Variants in RAB3GAP2 observed in about 807,000 individuals in gnomAD.
RAB3GAP2 encodes rab3 GTPase-activating protein non-catalytic subunit.
In RAB3GAP2, 87 loss-of-function variants were observed where a neutral mutation model predicts 185.3. The ratio of observed to expected loss-of-function variants is 0.47; its 90% CI spans 0.39 to 0.56. The LOEUF (loss-of-function observed/expected upper bound fraction) is 0.56. Among genes scored for constraint, RAB3GAP2 ranks in the 20% least tolerant of loss-of-function variants. The pLI, the probability that RAB3GAP2 is intolerant of heterozygous loss-of-function variation, is 0.00. For missense variants in RAB3GAP2, 1,492 were observed against 1,638.2 expected (o/e 0.91, Z 1.54); for synonymous variants, 554 against 576.1 (o/e 0.96, Z 0.55).
chr1:220,229,141 T>C (rs1350127896), intron 2 of RAB3GAP2, among the ~76,000 whole-genome samples: 1 of 152,210 alleles, frequency 6.6e-6, no homozygotes, highest in Non-Finnish European at 1.5e-5. Flanking sequence ...GCTATCATTG[T>C]CCACGTCACT....
intron 1 of RAB3GAP2, chr1:220,254,151 T>C: frequency 1.2e-6 from 2 of 1,613,796 alleles, no homozygotes; most frequent in South Asian, 2.2e-5. Context: ...ATTCCATTCT[T>C]GAGGATTATG....
chr1:220,263,093 C>G (rs1342061457), intron 1 of RAB3GAP2, among the ~76,000 whole-genome samples: 2 of 151,354 alleles, frequency 1.3e-5, no homozygotes, highest in African/African-American at 4.8e-5. Context: ...ATCTGTATAT[C>G]ATCCTTGAAG....
chr1:220,214,946 TTATATA>T lies in RAB3GAP2; in HGVS notation c.181-973_181-968del, dbSNP rs10526805. ...CCTTTTTCTTACAAGAATAGTAGCA[TTATATA>T]TATATATATATATATATATATATAC... is the stretch of plus-strand genomic sequence containing the variant. On this transcript the variant is annotated intron_variant, in intron 2 of 34. Transcript: ENST00000358951. 7.8e-4 allele frequency among the ~76,000 whole-genome samples: 70 copies of T among 89,624 alleles called. 2 individuals are homozygous for T. Among genetic ancestry groups the T allele is most frequent in the South Asian group, 1.9e-3 (4 of 2,060 alleles). The allele number at this position is 89,624 out of a possible 152,430, so 58.8% of individuals were successfully genotyped here.
intron 12 of RAB3GAP2, among the ~76,000 whole-genome samples, chr1:220,194,779 T>C (rs979688436): frequency 6.6e-6 from 1 of 152,226 alleles, no homozygotes; most frequent in African/African-American, 2.4e-5. Context: ...TAAAAGAAAT[T>C]TAACAGCTAT....
At chr1:220,232,886 T>C (rs556212989) in intron 1 of RAB3GAP2, 23 bp from the exon 2 acceptor site, 2 of 1,603,086 alleles carry the variant, frequency 1.2e-6, no homozygotes, top group East Asian at 2.2e-5. Context: ...AGATGAACAA[T>C]GCTTGCATGA....
intron 7 of RAB3GAP2, 31 bp from the exon 8 acceptor site, chr1:220,206,037 GA>G: frequency 7.5e-7 from 1 of 1,339,960 alleles, no homozygotes; most frequent in Admixed American, 1.9e-5. Flanking sequence ...AAAAGTTCTT[GA>G]ATAGATAAAT....
chr1:220,194,752 C>T (rs1658691691), intron 12 of RAB3GAP2, among the ~76,000 whole-genome samples: 1 of 152,178 alleles, frequency 6.6e-6, no homozygotes, highest in Non-Finnish European at 1.5e-5. Context: ...AACTTAGTAA[C>T]AAACTATCTA....
chr1:220,204,217 G>T (rs1217222941), intron 8 of RAB3GAP2, among the ~76,000 whole-genome samples: 1 of 152,058 alleles, frequency 6.6e-6, no homozygotes, highest in Non-Finnish European at 1.5e-5. Flanking sequence ...AGGTTGGTAT[G>T]ATTGGCAAAA....
chr1:220,265,569 T>C (rs544958893), intron 1 of RAB3GAP2, among the ~76,000 whole-genome samples: 17 of 152,230 alleles, frequency 1.1e-4, no homozygotes, highest in African/African-American at 4.1e-4. Flanking sequence ...TTGGAAATTA[T>C]GTCACTATAG....
chr1:220,229,909 C>T (rs78265859), intron 2 of RAB3GAP2, among the ~76,000 whole-genome samples: 5,732 of 152,278 alleles, frequency 0.038, 379 homozygotes, highest in African/African-American at 0.13. Flanking sequence ...AACTTAGCTA[C>T]ATGATTTCAG....
At position 220,150,474 on chromosome 1, in the gene RAB3GAP2, A is replaced by G. The variant is rs1377423461; in HGVS notation, c.*777T>C. 5.7e-5 allele frequency: 8 copies of G among 141,494 alleles called. No homozygotes were observed. Among genetic ancestry groups the G allele is most frequent in the Non-Finnish European group, 1.1e-4 (7 of 65,592 alleles). The allele number at this position is 141,494 out of a possible 1,614,324, so 8.8% of individuals were successfully genotyped here. A position where few individuals can be genotyped will look rare whatever the true frequency, so the allele number is the denominator to read the frequency against. On this transcript the variant is annotated 3_prime_UTR_variant, in exon 35 of 35. Transcript: ENST00000358951. ...GCCTTTTTTTTTTTTTTTTTTTTAC[A>G]TAAGTTTTACAAGATAATACATTTT... is the stretch of plus-strand genomic sequence containing the variant.
intron 21 of RAB3GAP2, among the ~76,000 whole-genome samples, chr1:220,181,874 C>A (rs1658412839): frequency 6.6e-6 from 1 of 151,602 alleles, no homozygotes; most frequent in African/African-American, 2.4e-5. Context: ...CATAGCGAGA[C>A]CCCCATCTCC....
chr1:220,250,286 C>CT (rs1659908046), intron 1 of RAB3GAP2, among the ~76,000 whole-genome samples: 1 of 152,206 alleles, frequency 6.6e-6, no homozygotes, highest in African/African-American at 2.4e-5. Flanking sequence ...CATTTTGGAA[C>CT]TTTAAGGTTT....
chr1:220,200,425 T>C, intron 9 of RAB3GAP2: 3 of 366,300 alleles, frequency 8.2e-6, no homozygotes, highest in Non-Finnish European at 1.7e-5. Flanking sequence ...TTTATCAGGG[T>C]GGGGTCCTAT....
chr1:220,245,890 A>G (rs1357149349), intron 1 of RAB3GAP2, among the ~76,000 whole-genome samples: 4 of 152,150 alleles, frequency 2.6e-5, no homozygotes, highest in Non-Finnish European at 4.4e-5. Context: ...ACTGGGAGGC[A>G]CCCCCCAGCG....
rs988513386 is a variant in RAB3GAP2, at chr1:220,195,111, G to A, written c.1097C>T (p.Pro366Leu). The A allele has an allele frequency of 1.1e-5, 17 of 1,613,946 alleles. No homozygotes were observed. The highest frequency in any genetic ancestry group is 3.3e-5 in the South Asian group (3 of 91,078). ...TAATGGGGTAGCTGGCTCAACCTTC[G>A]GCTTTTGCTTTTGGACAGCTTCTTC... ...HEEEAVQKQK[P>L]KVEPATPLAV... Residue 366 changes from proline (P) to leucine (L), a missense_variant, in exon 12 of 35, where the codon CCG becomes CTG. Pro to Leu is a moderately conservative substitution (Grantham distance 98, BLOSUM62 -3). Transcript: ENST00000358951.
At chr1:220,256,497 C>T (rs992730172) in intron 1 of RAB3GAP2, among the ~76,000 whole-genome samples, 1 of 152,056 alleles carries the variant, frequency 6.6e-6, no homozygotes, top group South Asian at 2.1e-4. Flanking sequence ...CAAGGACCCA[C>T]CTCACATGCA....
At chr1:220,272,188 G>C (rs769289078) in intron 1 of RAB3GAP2, 35 bp downstream of exon 1, 3 of 1,539,632 alleles carry the variant, frequency 1.9e-6, no homozygotes, top group East Asian at 2.3e-5. Flanking sequence ...CGCGGGTGAC[G>C]AGGGAAGGAA....
intron 2 of RAB3GAP2, among the ~76,000 whole-genome samples, chr1:220,220,012 G>A (rs1259663721): frequency 6.6e-6 from 1 of 152,200 alleles, no homozygotes; most frequent in African/African-American, 2.4e-5. Context: ...GGGGCCCACA[G>A]TCTCTAACAC....
Sources: gnomAD v4.1 joint callset for allele counts (sites outside exome capture counted in the v4.1 genomes callset) on GRCh38, gnomAD v4.1.1 for gene constraint, MANE v1.5 for transcripts, NCBI Gene and HGNC (gene_info 2026-07-23, HGNC 2026-07-21) for gene names.